Variants in CELSR3 observed in about 807,000 individuals in gnomAD.
CELSR3 encodes EGF-like protein 1.
A neutral mutation model predicts 270.0 loss-of-function variants in CELSR3; 73 were observed. The ratio of observed to expected loss-of-function variants is 0.27; its 90% CI spans 0.22 to 0.33. The LOEUF is 0.33. CELSR3 is among the 10% of genes least tolerant of loss of function. CELSR3 has a pLI of 1.00. For synonymous variants in CELSR3, 1,780 were observed against 1,905.4 expected (o/e 0.93, Z 1.71); for missense variants, 3,614 against 4,533.8 (o/e 0.80, Z 5.83).
chr3:48,650,193 G>A lies in CELSR3; in HGVS notation c.6472+287C>T. ...TTAGGCAGCAGGGAGGGGTCTGCAG[G>A]GACCTCAGGCAGCAGGAGGGGTCTG... On this transcript the variant is annotated intron_variant, in intron 16 of 34. Transcript: ENST00000164024. This position sits in a 1 kb window ranked among gnomAD's most constrained non-coding sequence, Gnocchi z 5.1. The A allele has an allele frequency of 1.8e-6, 1 of 551,172 alleles. No homozygotes were observed. Among genetic ancestry groups the A allele is most frequent in the South Asian group, 1.5e-5 (1 of 65,470 alleles). 34.1% of individuals were successfully genotyped at this position (551,172 alleles called of 1,614,324 possible). A position where few individuals can be genotyped will look rare whatever the true frequency, so the allele number is the denominator to read the frequency against.
rs1434358996 is a variant in CELSR3, at chr3:48,650,396, A to G, written c.6472+84T>C. On this transcript the variant is annotated intron_variant, in intron 16 of 34. Transcript: ENST00000164024. The surrounding 1 kb of genome is among the most constrained non-coding windows in gnomAD (Gnocchi z 5.1). ...CCTCTTTGCAGGAACAAAGCCACCC[A>G]ATTTAGGAAAAGACATGGCTCTAGC... is the stretch of plus-strand genomic sequence containing the variant. The G allele has an allele frequency of 8.9e-7, 1 of 1,117,474 alleles. No homozygotes were observed. Among genetic ancestry groups the G allele is most frequent in the Non-Finnish European group, 1.3e-6 (1 of 756,218 alleles). The allele number at this position is 1,117,474 out of a possible 1,614,324, so 69.2% of individuals were successfully genotyped here. A position where few individuals can be genotyped will look rare whatever the true frequency, so the allele number is the denominator to read the frequency against.
chr3:48,659,238 C>T lies in CELSR3; in HGVS notation c.3397G>A (p.Glu1133Lys). The change falls in exon 1 of 35, where the codon GAG becomes AAG. Residue 1133 changes from glutamate (E) to lysine (K), a missense_variant. Around this residue, in one of 7 missense-constraint regions of CELSR3, gnomAD observed 1,331 missense variants for 1,933.7 expected, o/e 0.69. Coordinates refer to ENST00000164024, the MANE Select transcript of CELSR3 (RefSeq NM_001407.3). This position sits in a 1 kb window ranked among gnomAD's most constrained non-coding sequence, Gnocchi z 8.1. Reference sequence around the variant, plus strand: ...ACAATCACATATTCTTGGCGAGCCTCATAGTCTAGGTCAATGAGTGCCGTC... The same window carrying T: ...ACAATCACATATTCTTGGCGAGCCTTATAGTCTAGGTCAATGAGTGCCGTC... The part of the protein sequence containing the change: ...ELTALIDLDY[E>K]ARQEYVIVVQ... 1 of 1,614,194 alleles carries T rather than the reference C, an allele frequency of 6.2e-7. No homozygotes were observed.
rs2047007278 is a variant in CELSR3, at chr3:48,639,931, C to T, written c.9654G>A (p.Gly3218=). 1 of 1,612,960 alleles carries T rather than the reference C, an allele frequency of 6.2e-7. No individual in the cohort carries two copies. Among genetic ancestry groups the T allele is most frequent in the Non-Finnish European group, 8.5e-7 (1 of 1,180,008 alleles). Residue 3218 remains glycine, a synonymous_variant, in exon 34 of 35, where the codon GGG becomes GGA. Coordinates refer to ENST00000164024, the MANE Select transcript of CELSR3 (RefSeq NM_001407.3). The surrounding 1 kb of genome is among the most constrained non-coding windows in gnomAD (Gnocchi z 4.1). The part of the protein sequence containing the change: ...PSRHPSREAL[G]PLPQLLRARE... Reference sequence around the variant, plus strand: ...TAGCTCTGAGCAGCTGCGGGAGTGGCCCAAGGGCTTCTCGTGAGGGGTGCC... The same window carrying T: ...TAGCTCTGAGCAGCTGCGGGAGTGGTCCAAGGGCTTCTCGTGAGGGGTGCC...
At position 48,644,583 on chromosome 3, in the gene CELSR3, G is replaced by C. The variant is rs1383690154; in HGVS notation, c.8085+133C>G. 1 of 734,240 alleles carries C rather than the reference G, an allele frequency of 1.4e-6. No individual in the cohort carries two copies. Among genetic ancestry groups the C allele is most frequent in the African/African-American group, 1.8e-5 (1 of 56,374 alleles). The allele number at this position is 734,240 out of a possible 1,614,324, so 45.5% of individuals were successfully genotyped here. ...TGAATGGGGGTGGCTACTGACCAGA[G>C]GACAGAAAAAATGAAGGCCGAGCCC... is the stretch of plus-strand genomic sequence containing the variant. On this transcript the variant is annotated intron_variant, in intron 26 of 34. Coordinates refer to ENST00000164024, the MANE Select transcript of CELSR3 (RefSeq NM_001407.3). This position sits in a 1 kb window ranked among gnomAD's most constrained non-coding sequence, Gnocchi z 4.8.
At position 48,653,336 on chromosome 3, in the gene CELSR3, G is replaced by C; in HGVS notation, c.5449-149C>G. ...TGGCACAAAGGGCACTGTGCCAGGG[G>C]ACATCATGTTGCTGATATGGGGTCA... On this transcript the variant is annotated intron_variant, in intron 9 of 34. Coordinates refer to ENST00000164024, the MANE Select transcript of CELSR3 (RefSeq NM_001407.3). This position sits in a 1 kb window ranked among gnomAD's most constrained non-coding sequence, Gnocchi z 6.5. The C allele has an allele frequency of 1.3e-6, 1 of 769,654 alleles. No homozygotes were observed. Among genetic ancestry groups the C allele is most frequent in the Non-Finnish European group, 2.1e-6 (1 of 480,950 alleles). 47.7% of individuals were successfully genotyped at this position (769,654 alleles called of 1,614,324 possible).
Position 48,654,242 on chromosome 3 carries a change from G to C in CELSR3, c.5152+47C>G. 1.2e-6 allele frequency: 2 copies of C among 1,608,784 alleles called. No individual in the cohort carries two copies. Among genetic ancestry groups the C allele is most frequent in the East Asian group, 2.2e-5 (1 of 44,728 alleles). ...ATGGAGTCCTCCACTTCCTCCCTAT[G>C]ATGGGGACAGGGCCATGGGCTAGGC... On this transcript the variant is annotated intron_variant, in intron 7 of 34. Coordinates refer to ENST00000164024, the MANE Select transcript of CELSR3 (RefSeq NM_001407.3). The surrounding 1 kb of genome is among the most constrained non-coding windows in gnomAD (Gnocchi z 5.4).
Position 48,654,410 on chromosome 3 carries a change from G to A in CELSR3, c.5031C>T (p.Pro1677=), listed in dbSNP as rs750722030. 3.7e-5 allele frequency: 60 copies of A among 1,607,178 alleles called. No individual in the cohort carries two copies. Among genetic ancestry groups the A allele is most frequent in the Non-Finnish European group, 4.9e-5 (58 of 1,174,630 alleles). The change falls in exon 7 of 35, where the codon CCC becomes CCT. Residue 1677 remains proline, a synonymous_variant. Coordinates refer to ENST00000164024, the MANE Select transcript of CELSR3 (RefSeq NM_001407.3). This position sits in a 1 kb window ranked among gnomAD's most constrained non-coding sequence, Gnocchi z 5.4. The part of the protein sequence containing the change: ...LTGPLLLGGV[P]NLPENFPVSH... ...ATACGGGGAAGTTCTCGGGGAGGTT[G>A]GGGACACCTCCCAGAAGAAGAGGGC...
rs2047065825 is a variant in CELSR3, at chr3:48,644,987, AG to A, written c.7972+47del. ...CATGAGCAGGAGTGGGGACAGGGTC[AG>A]GGGTCAGGCCATGTGATGGTTGGAG... On this transcript the variant is annotated intron_variant, in intron 25 of 34. Coordinates refer to ENST00000164024, the MANE Select transcript of CELSR3 (RefSeq NM_001407.3). This position sits in a 1 kb window ranked among gnomAD's most constrained non-coding sequence, Gnocchi z 4.8. 4 of 1,554,752 alleles carry A rather than the reference AG, an allele frequency of 2.6e-6. No individual in the cohort carries two copies. The highest frequency in any genetic ancestry group is 3.5e-6 in the Non-Finnish European group (4 of 1,143,178).
In CELSR3 at chr3:48,662,441, GGACAAA is replaced by G. The variant is rs1559483330; in HGVS notation, c.188_193del (p.Leu63_Cys64del). The G allele has an allele frequency of 6.2e-7, 1 of 1,612,766 alleles. No homozygotes were observed. The highest frequency in any genetic ancestry group is 1.1e-5 in the South Asian group (1 of 91,058). ...ATCCTCCCGGACCCCGGAAGACTCC[GGACAAA>G]GAGCTAAGGCTCCGCCACCGATATG... On this transcript the variant is annotated inframe_deletion, in exon 1 of 35. Transcript: ENST00000164024. The surrounding 1 kb of genome is among the most constrained non-coding windows in gnomAD (Gnocchi z 7.1).
rs2047036554 is a variant in CELSR3, at chr3:48,642,487, C to A, written c.8556-20G>T. The stretch of plus-strand genomic sequence containing the variant: ...TTGTCCCTGGAAAAGCAGGAGCCCC[C>A]CCACCATGAAAGAGGGATGTGATGG... On this transcript the variant is annotated intron_variant, in intron 30 of 34. Coordinates refer to ENST00000164024, the MANE Select transcript of CELSR3 (RefSeq NM_001407.3). This position sits in a 1 kb window ranked among gnomAD's most constrained non-coding sequence, Gnocchi z 6.1. 6.2e-6 allele frequency: 10 copies of A among 1,607,708 alleles called. No individual in the cohort carries two copies. The highest frequency in any genetic ancestry group is 8.5e-6 in the Non-Finnish European group (10 of 1,177,182).
chr3:48,648,670 G>C (rs753695927), intron 18 of CELSR3, 49 bp downstream of exon 18: 2 of 1,578,002 alleles, frequency 1.3e-6, no homozygotes, highest in African/African-American at 1.3e-5. Context: ...GGGGCAGGAG[G>C]CTGGGAGCTG....
chr3:48,639,341 T>A lies in CELSR3; in HGVS notation c.9911+333A>T, dbSNP rs1421528905. 1.3e-5 allele frequency among the ~76,000 whole-genome samples: 2 copies of A among 152,190 alleles called. No individual in the cohort carries two copies. The highest frequency in any genetic ancestry group is 2.9e-5 in the Non-Finnish European group (2 of 68,028). The stretch of plus-strand genomic sequence containing the variant: ...CCTGCTCTCCTCCCTGCCCCTTGCA[T>A]ATTCCAGGTCATCTCCCACTTCTAG... On this transcript the variant is annotated intron_variant, in intron 34 of 34. Coordinates refer to ENST00000164024, the MANE Select transcript of CELSR3 (RefSeq NM_001407.3). This position sits in a 1 kb window ranked among gnomAD's most constrained non-coding sequence, Gnocchi z 4.1.
rs1233707565 is a variant in CELSR3, at chr3:48,652,756, G to A, written c.5635-203C>T. 6.6e-6 allele frequency among the ~76,000 whole-genome samples: 1 copy of A among 152,206 alleles called. No individual in the cohort carries two copies. Among genetic ancestry groups the A allele is most frequent in the Non-Finnish European group, 1.5e-5 (1 of 68,030 alleles). ...ACTAGAAGGGGCTTCTAGGAATCAG[G>A]CAAAGTGCTGGCTACAGAGGTTCCC... On this transcript the variant is annotated intron_variant, in intron 10 of 34. Coordinates refer to ENST00000164024, the MANE Select transcript of CELSR3 (RefSeq NM_001407.3). This position sits in a 1 kb window ranked among gnomAD's most constrained non-coding sequence, Gnocchi z 4.3.
At position 48,654,531 on chromosome 3, in the gene CELSR3, G is replaced by T; in HGVS notation, c.4989-79C>A. ...TCCTGGGGGGCCACAGGAAGCAGGG[G>T]GGTAGGACCCAGAGGGTAGGGTGAT... On this transcript the variant is annotated intron_variant, in intron 6 of 34. Transcript: ENST00000164024. This position sits in a 1 kb window ranked among gnomAD's most constrained non-coding sequence, Gnocchi z 5.4. The T allele has an allele frequency of 7.9e-7, 1 of 1,262,194 alleles. No individual in the cohort carries two copies. The highest frequency in any genetic ancestry group is 1.1e-6 in the Non-Finnish European group (1 of 910,040). 78.2% of individuals were successfully genotyped at this position (1,262,194 alleles called of 1,614,324 possible).
Position 48,642,761 on chromosome 3 carries a change from T to C in CELSR3, c.8530A>G (p.Ser2844Gly). Residue 2844 changes from serine to glycine, a missense_variant, in exon 30 of 35, where the codon AGC becomes GGC. Around this residue, in one of 7 missense-constraint regions of CELSR3, gnomAD observed 1,240 missense variants for 1,351.7 expected, o/e 0.92. Transcript: ENST00000164024. The surrounding 1 kb of genome is among the most constrained non-coding windows in gnomAD (Gnocchi z 6.1). ...CTGAGGTAGCTGCGGCCCCGCTGGC[T>C]GTCCTGGTCCTGGGTCCGGCCGGAG... ...ARSGRTQDQD[S>G]QRGRSYLRDN... is the part of the protein sequence containing the mutation. The C allele has an allele frequency of 6.2e-7, 1 of 1,612,040 alleles. No individual in the cohort carries two copies. The highest frequency in any genetic ancestry group is 8.5e-7 in the Non-Finnish European group (1 of 1,179,834).
At position 48,644,682 on chromosome 3, in the gene CELSR3, A is replaced by C; in HGVS notation, c.8085+34T>G. ...ACCTCCTCCCCCAATGAGGGAGGGA[A>C]GTACAGAGGGGGCACCAAGTCCAGG... On this transcript the variant is annotated intron_variant, in intron 26 of 34. Transcript: ENST00000164024. The surrounding 1 kb of genome is among the most constrained non-coding windows in gnomAD (Gnocchi z 4.8). 16 of 1,483,750 alleles carry C rather than the reference A, an allele frequency of 1.1e-5. No individual in the cohort carries two copies. The highest frequency in any genetic ancestry group is 2.8e-5 in the African/African-American group (2 of 72,360). 91.9% of individuals were successfully genotyped at this position (1,483,750 alleles called of 1,614,324 possible). A position where few individuals can be genotyped will look rare whatever the true frequency, so the allele number is the denominator to read the frequency against.
In CELSR3 at chr3:48,655,960, C is replaced by T. The variant is rs2047176910; in HGVS notation, c.4626-109G>A. The T allele has an allele frequency of 8.6e-7, 1 of 1,163,644 alleles. No homozygotes were observed. Among genetic ancestry groups the T allele is most frequent in the African/African-American group, 1.5e-5 (1 of 65,760 alleles). The allele number at this position is 1,163,644 out of a possible 1,614,324, so 72.1% of individuals were successfully genotyped here. A position where few individuals can be genotyped will look rare whatever the true frequency, so the allele number is the denominator to read the frequency against. ...GGGGCTGGGGCGAGAGAGGAAGCGA[C>T]GAGGGACGGCGGGACCGACCGGGGG... is the stretch of plus-strand genomic sequence containing the variant. On this transcript the variant is annotated intron_variant, in intron 3 of 34. Transcript: ENST00000164024. This position sits in a 1 kb window ranked among gnomAD's most constrained non-coding sequence, Gnocchi z 5.8.
At position 48,643,538 on chromosome 3, in the gene CELSR3, G is replaced by A; in HGVS notation, c.8289+16C>T. 1 of 1,547,716 alleles carries A rather than the reference G, an allele frequency of 6.5e-7. No individual in the cohort carries two copies. The highest frequency in any genetic ancestry group is 8.7e-7 in the Non-Finnish European group (1 of 1,145,198). On this transcript the variant is annotated intron_variant, in intron 28 of 34. Coordinates refer to ENST00000164024, the MANE Select transcript of CELSR3 (RefSeq NM_001407.3). ...GCCCACCTGGTTCTGGGGCAAGGGAGGGGCACCAGAGTCACCTGGAGGCCG... is the reference window on the plus strand; with the variant it reads ...GCCCACCTGGTTCTGGGGCAAGGGAAGGGCACCAGAGTCACCTGGAGGCCG...
At position 48,652,596 on chromosome 3, in the gene CELSR3, A is replaced by C; in HGVS notation, c.5635-43T>G. Reference sequence around the variant, plus strand: ...GTCAGCACTGAGGGAGAGGGGCCTGATGAACCCCTGTCATAGCCCAGAGTC... The same window carrying C: ...GTCAGCACTGAGGGAGAGGGGCCTGCTGAACCCCTGTCATAGCCCAGAGTC... On this transcript the variant is annotated intron_variant, in intron 10 of 34. Transcript: ENST00000164024. The surrounding 1 kb of genome is among the most constrained non-coding windows in gnomAD (Gnocchi z 4.3). 6.9e-7 allele frequency: 1 copy of C among 1,459,550 alleles called. No homozygotes were observed. The highest frequency in any genetic ancestry group is 1.2e-5 in the South Asian group (1 of 80,954). The allele number at this position is 1,459,550 out of a possible 1,614,324, so 90.4% of individuals were successfully genotyped here.
Sources: allele counts gnomAD v4.1 joint callset (sites outside exome capture counted in the v4.1 genomes callset), GRCh38; gene constraint gnomAD v4.1.1; regional missense constraint gnomAD v4.1.1; non-coding constraint Gnocchi (gnomAD v3.1); transcripts MANE v1.5; gene names NCBI Gene and HGNC (gene_info 2026-07-23, HGNC 2026-07-21).